NLGN3: variants seen among roughly 807,000 people sequenced by gnomAD.
The protein encoded by NLGN3 is neuroligin-3.
NLGN3 carries 11 observed loss-of-function variants against 42.9 expected under a neutral mutation model. That is an observed-to-expected ratio of 0.26 (90% CI 0.16 to 0.42). The LOEUF is 0.42. Among genes scored for constraint, NLGN3 ranks in the 10% least tolerant of loss-of-function variants. The pLI is 1.00. For synonymous variants in NLGN3, 279 were observed against 312.7 expected (o/e 0.89, Z 1.14); for missense variants, 374 against 733.8 (o/e 0.51, Z 5.67).
chrX:71,153,559 G>A, intron 4 of NLGN3, 23 bp downstream of exon 4: 3 of 1,178,424 alleles, frequency 2.5e-6, no homozygotes, highest in Non-Finnish European at 3.5e-6. Flanking sequence ...TGCAGGGCGC[G>A]GCGGCTGGTG....
At chrX:71,151,169 C>T (rs1250973484) in intron 3 of NLGN3, among the ~76,000 whole-genome samples, 1 of 110,732 alleles carries the variant, frequency 9.0e-6, no homozygotes, top group East Asian at 2.8e-4. Flanking sequence ...AATACAGGTG[C>T]ATGGTGGCAC....
chrX:71,169,690 G>A lies in NLGN3; in HGVS notation c.2140G>A (p.Val714Met), dbSNP rs1018462994. 3 of 1,211,877 alleles carry A rather than the reference G, an allele frequency of 2.5e-6. No individual in the cohort carries two copies. The highest frequency in any genetic ancestry group is 2.2e-5 in the Admixed American group (1 of 46,123). ...YSTELSVTIAVGASLLFLNVL... is the reference protein window; with the variant it reads ...YSTELSVTIAMGASLLFLNVL... ...CACTGAATTAAGTGTCACCATCGCC[G>A]TGGGGGCCTCCCTCCTGTTCCTTAA... Residue 714 changes from valine (V) to methionine (M), a missense_variant, in exon 8 of 8, where the codon GTG becomes ATG. Around this residue, in one of 6 missense-constraint regions of NLGN3, gnomAD observed 142 missense variants for 359.1 expected, o/e 0.40. Transcript: ENST00000358741.
At position 71,170,994 on chromosome X, in the gene NLGN3, A is replaced by G; in HGVS notation, c.*897A>G. The G allele has an allele frequency of 1.3e-6, 1 of 753,742 alleles. No individual in the cohort carries two copies. The highest frequency in any genetic ancestry group is 1.6e-6 in the Non-Finnish European group (1 of 639,178). 62.1% of individuals were successfully genotyped at this position (753,742 alleles called of 1,213,427 possible). On this transcript the variant is annotated 3_prime_UTR_variant, in exon 8 of 8. Coordinates refer to ENST00000358741, the MANE Select transcript of NLGN3 (RefSeq NM_181303.2). ...TTGCCTCTGCCCTTGGGGAAATGCT[A>G]TCAGAAATTCGCCCCATTTTCTTTA...
rs748340902 is a variant in NLGN3, at chrX:71,155,408, A to AG, written c.727+51dup. On this transcript the variant is annotated intron_variant, in intron 5 of 7. Transcript: ENST00000358741. ...GCCTGGAAGGAAGACTGGCTTCGCA[A>AG]GGGGGGAGGAAAGAATGCTGGAGAA... 5.0e-6 allele frequency: 6 copies of AG among 1,188,460 alleles called. No homozygotes were observed. The South Asian group carries it at 1.1e-4, about 21-fold the overall frequency.
Position 71,147,872 on chromosome X carries a change from A to G in NLGN3, c.123A>G (p.Ala41=). The change falls in exon 2 of 8, where the codon GCA becomes GCG. Residue 41 remains alanine (A), a synonymous_variant. Transcript: ENST00000358741. The part of the protein sequence containing the change: ...LALRASTQAP[A]PTVNTHFGKL... ...TGAGGGCCAGTACCCAGGCCCCAGC[A>G]CCCACAGTCAACACTCACTTTGGGA... 1 of 1,207,591 alleles carries G rather than the reference A, an allele frequency of 8.3e-7. No homozygotes were observed. The highest frequency in any genetic ancestry group is 1.1e-6 in the Non-Finnish European group (1 of 893,293).
In NLGN3 at chrX:71,154,319, G is replaced by A. The variant is rs182394636; in HGVS notation, c.577+783G>A. ...GGGCCAGGCAGCTCAGGGGGGCCCA[G>A]TGGTGATGGGTAGGGCTGTGCTGGC... is the stretch of plus-strand genomic sequence containing the variant. On this transcript the variant is annotated intron_variant, in intron 4 of 7. Transcript: ENST00000358741. 6.3e-4 allele frequency among the ~76,000 whole-genome samples: 72 copies of A among 113,473 alleles called. No individual in the cohort carries two copies. In the East Asian group the frequency reaches 0.018, roughly 28 times the overall value.
chrX:71,148,781 G>C, intron 2 of NLGN3, 65 bp from the exon 3 acceptor site: 2 of 1,014,390 alleles, frequency 2.0e-6, no homozygotes, highest in Non-Finnish European at 1.3e-6. Flanking sequence ...GGCCTGGGGG[G>C]TGGGGGGTGC....
In NLGN3 at chrX:71,147,640, C is replaced by A; in HGVS notation, c.-110C>A. 1.5e-6 allele frequency: 1 copy of A among 666,472 alleles called. No homozygotes were observed. Among genetic ancestry groups the A allele is most frequent in the South Asian group, 2.3e-5 (1 of 43,020 alleles). 54.9% of individuals were successfully genotyped at this position (666,472 alleles called of 1,213,427 possible). ...TTGCTGGGCACCTGTAGGTGTCCCTCGAGAGCTCAGTTTTGAGGTTCAAGT... is the reference window on the plus strand; with the variant it reads ...TTGCTGGGCACCTGTAGGTGTCCCTAGAGAGCTCAGTTTTGAGGTTCAAGT... On this transcript the variant is annotated 5_prime_UTR_variant, in exon 2 of 8. Transcript: ENST00000358741.
At chrX:71,157,832 T>C (rs930749086) in intron 5 of NLGN3, among the ~76,000 whole-genome samples, 2 of 110,094 alleles carry the variant, frequency 1.8e-5, no homozygotes, top group African/African-American at 6.6e-5. Context: ...GTCCCCTTCA[T>C]TGGCGCCCGG....
intron 5 of NLGN3, among the ~76,000 whole-genome samples, chrX:71,155,623 G>T (rs1201923832): frequency 9.0e-6 from 1 of 111,596 alleles, no homozygotes; most frequent in African/African-American, 3.3e-5. Flanking sequence ...CCAGGTCTCT[G>T]CTTCCAGACT....
At chrX:71,150,719 AAAAG>A (rs1221945576) in intron 3 of NLGN3, among the ~76,000 whole-genome samples, 12 of 102,378 alleles carry the variant, frequency 1.2e-4, no homozygotes, top group Non-Finnish European at 2.2e-4. Flanking sequence ...AAAAAAAAAA[AAAAG>A]AAAGAAAAGA....
At chrX:71,153,089 G>A (rs1010620050) in intron 3 of NLGN3, among the ~76,000 whole-genome samples, 3 of 112,160 alleles carry the variant, frequency 2.7e-5, no homozygotes, top group Non-Finnish European at 5.6e-5. Context: ...TCTCCAGCTC[G>A]ACCTGCCTGT....
At chrX:71,155,388 G>C (rs781328934) in intron 5 of NLGN3, 25 bp downstream of exon 5, 36 of 1,208,297 alleles carry the variant, frequency 3.0e-5, no homozygotes, top group Non-Finnish European at 3.9e-5. Flanking sequence ...CTGGTGCCTG[G>C]AAGGAAGACT....
intron 5 of NLGN3, among the ~76,000 whole-genome samples, chrX:71,159,643 G>T (rs2092422456): frequency 9.0e-6 from 1 of 111,076 alleles, no homozygotes; most frequent in South Asian, 3.8e-4. Flanking sequence ...TTGGATGCCG[G>T]GTACATATAA....
intron 5 of NLGN3, among the ~76,000 whole-genome samples, chrX:71,155,799 C>A (rs776408941): frequency 9.0e-6 from 1 of 111,050 alleles, no homozygotes; most frequent in African/African-American, 3.3e-5. Flanking sequence ...ACATCCACCC[C>A]GCCATGCACC....
At chrX:71,168,877 AAAG>A (rs2092460253) in intron 7 of NLGN3, among the ~76,000 whole-genome samples, 2 of 72,388 alleles carry the variant, frequency 2.8e-5, no homozygotes, top group Non-Finnish European at 4.7e-5. Context: ...AAGAGAAAGA[AAAG>A]AAAGAGAAAG....
Position 71,164,276 on chromosome X carries a change from G to A in NLGN3, c.861G>A (p.Ser287=), listed in dbSNP as rs144424373. 1.9e-5 allele frequency: 23 copies of A among 1,211,131 alleles called. No homozygotes were observed. The African/African-American group carries it at 2.4e-4, about 13-fold the overall frequency. Residue 287 remains serine, a synonymous_variant, in exon 6 of 8, where the codon TCG becomes TCA. Transcript: ENST00000358741. ...CCCGCCGGATCACTGTCTTTGGCTC[G>A]GGCATTGGTGCATCCTGCGTCAGCC... ...GDPRRITVFG[S]GIGASCVSLL...
Position 71,171,077 on chromosome X carries a change from GT to G in NLGN3, c.*995del, listed in dbSNP as rs767429618. 38,669 of 467,682 alleles carry G rather than the reference GT, an allele frequency of 0.083. 5 individuals carry two copies. Among genetic ancestry groups the G allele is most frequent in the South Asian group, 0.091 (835 of 9,151 alleles). The allele number at this position is 467,682 out of a possible 1,213,427, so 38.5% of individuals were successfully genotyped here. On this transcript the variant is annotated 3_prime_UTR_variant, in exon 8 of 8. Transcript: ENST00000358741. Reference sequence around the variant, plus strand: ...AAGGCGGTGTTTTTTGTTGTTGTTGGTTTTTTTTTTTTTTTAAAGAAAAGTT... The same window carrying G: ...AAGGCGGTGTTTTTTGTTGTTGTTGGTTTTTTTTTTTTTTAAAGAAAAGTT...
intron 4 of NLGN3, among the ~76,000 whole-genome samples, chrX:71,154,076 C>T (rs12393926): frequency 1.8e-5 from 2 of 111,922 alleles, no homozygotes; most frequent in African/African-American, 3.3e-5. Context: ...GAGATGGTCT[C>T]GGGGCTAGGG....
Sources: gnomAD v4.1 joint callset for allele counts (sites outside exome capture counted in the v4.1 genomes callset) on GRCh38, gnomAD v4.1.1 for gene constraint, gnomAD v4.1.1 regional missense constraint, MANE v1.5 for transcripts, NCBI Gene and HGNC (gene_info 2026-07-23, HGNC 2026-07-21) for gene names.